The following SHLD2 variants were observed in gnomAD, a reference collection of about 807,000 sequenced individuals.
SHLD2 encodes the protein shieldin complex subunit 2, also known as RINN1-REV7-interacting novel NHEJ regulator 2.
SHLD2 carries 30 observed loss-of-function variants against 73.2 expected under a neutral mutation model. The ratio of observed to expected loss-of-function variants is 0.41; its 90% confidence interval spans 0.31 to 0.56. SHLD2 has a LOEUF of 0.56. Ranked by LOEUF, SHLD2 falls within the 20% of genes least tolerant of loss-of-function variation. The pLI is 0.28. For missense variants in SHLD2, 745 were observed against 1,055.9 expected (o/e 0.71, Z 4.08); for synonymous variants, 285 against 370.1 (o/e 0.77, Z 2.64).
intron 4 of SHLD2, among the ~76,000 whole-genome samples, chr10:87,164,115 G>A (rs1448298894): frequency 6.6e-6 from 1 of 151,634 alleles, no homozygotes; most frequent in Admixed American, 6.6e-5. Context: ...GTGCCACCAC[G>A]CCCAGATAAT....
chr10:87,151,827 T>C lies in SHLD2; in HGVS notation c.473T>C (p.Ile158Thr), dbSNP rs368795591. ...GAACAGCCTAAACATCAGCCAGATATATGTGGTAAGAACTTTAACACAAAT... is the reference window on the plus strand; with the variant it reads ...GAACAGCCTAAACATCAGCCAGATACATGTGGTAAGAACTTTAACACAAAT... Reference protein sequence around the residue: ...RDEQPKHQPDICGKNFNTNLF... With the variant: ...RDEQPKHQPDTCGKNFNTNLF... The change falls in exon 3 of 10, where the codon ATA becomes ACA. Residue 158 changes from isoleucine (I) to threonine (T), a missense_variant. Coordinates refer to ENST00000298786, the MANE Select transcript of SHLD2 (RefSeq NM_001330112.2). 2 of 1,611,840 alleles carry C rather than the reference T, an allele frequency of 1.2e-6. No individual in the cohort carries two copies. Among genetic ancestry groups the C allele is most frequent in the Non-Finnish European group, 1.7e-6 (2 of 1,179,834 alleles).
At chr10:87,141,249 C>T (rs1192589148) in intron 2 of SHLD2, among the ~76,000 whole-genome samples, 6 of 152,052 alleles carry the variant, frequency 3.9e-5, no homozygotes, top group Non-Finnish European at 7.4e-5. Context: ...CCACTGCACT[C>T]CAGCATGGGA....
rs1432768260 is a variant in SHLD2, at chr10:87,151,602, A to G, written c.248A>G (p.Asn83Ser). Residue 83 changes from asparagine to serine, a missense_variant, in exon 3 of 10, where the codon AAT (asparagine) becomes AGT (serine). Around this residue, in one of 5 missense-constraint regions of SHLD2, gnomAD observed 280 missense variants for 353.9 expected, o/e 0.79. Coordinates refer to ENST00000298786, the MANE Select transcript of SHLD2 (RefSeq NM_001330112.2). ...LSGHFLANCM[N>S]RHVHVKDDFV... ...GGTCATTTCTTAGCAAACTGTATGA[A>G]TAGACATGTTCATGTGAAAGATGAC... 4 of 1,611,810 alleles carry G rather than the reference A, an allele frequency of 2.5e-6. No individual in the cohort carries two copies. The highest frequency in any genetic ancestry group is 3.4e-6 in the Non-Finnish European group (4 of 1,179,688).
At chr10:87,094,673 C>T, upstream of SHLD2, 3 of 1,551,774 alleles carry the variant, frequency 1.9e-6, no homozygotes, top group Middle Eastern at 2.3e-4. The surrounding 1 kb of genome is among the most constrained non-coding windows in gnomAD (Gnocchi z 6.6). Flanking sequence ...TGTCCCCGGG[C>T]CCAGCCCAGC....
chr10:87,185,802 G>A (rs930160811), intron 8 of SHLD2, among the ~76,000 whole-genome samples: 1 of 152,140 alleles, frequency 6.6e-6, no homozygotes, highest in African/African-American at 2.4e-5. Flanking sequence ...AGTTGTCCCA[G>A]CGTGAATTTT....
intron 2 of SHLD2, among the ~76,000 whole-genome samples, chr10:87,121,692 T>C (rs1431064058): frequency 6.6e-6 from 1 of 152,042 alleles, no homozygotes; most frequent in Non-Finnish European, 1.5e-5. Context: ...GTTGGGCATA[T>C]TATTATGCAA....
At chr10:87,171,461 GT>G (rs1436674353) in intron 6 of SHLD2, among the ~76,000 whole-genome samples, 1 of 152,004 alleles carries the variant, frequency 6.6e-6, no homozygotes, top group Non-Finnish European at 1.5e-5. Context: ...TCCCTAGAAT[GT>G]TCAGTGTTAA....
chr10:87,174,384 T>C (rs1424369354), intron 6 of SHLD2, among the ~76,000 whole-genome samples: 1 of 150,080 alleles, frequency 6.7e-6, no homozygotes, highest in African/African-American at 2.5e-5. Flanking sequence ...GTTGAGATTA[T>C]GGCTGCTATA....
At chr10:87,094,643 G>A (rs771324144), upstream of SHLD2, 1 of 1,605,022 alleles carries the variant, frequency 6.2e-7, no homozygotes, top group Non-Finnish European at 8.5e-7. This position sits in a 1 kb window ranked among gnomAD's most constrained non-coding sequence, Gnocchi z 6.6. Context: ...GCCAGCCCCG[G>A]CTGCGGGGCG....
chr10:87,105,550 G>C (rs1312631581), intron 2 of SHLD2, among the ~76,000 whole-genome samples: 1 of 152,162 alleles, frequency 6.6e-6, no homozygotes, highest in Non-Finnish European at 1.5e-5. Flanking sequence ...AATAAAAATG[G>C]CTTAAAGGAA....
At chr10:87,189,109 C>T (rs1386456783) in intron 9 of SHLD2, among the ~76,000 whole-genome samples, 1 of 150,920 alleles carries the variant, frequency 6.6e-6, no homozygotes, top group Non-Finnish European at 1.5e-5. Context: ...TCAAGCAAGT[C>T]TCCTGCCTCA....
At chr10:87,147,949 C>T (rs1042447248) in intron 2 of SHLD2, among the ~76,000 whole-genome samples, 1 of 151,752 alleles carries the variant, frequency 6.6e-6, no homozygotes, top group African/African-American at 2.4e-5. Flanking sequence ...CTTCTGCCTC[C>T]TGGGTTCAAG....
intron 3 of SHLD2, among the ~76,000 whole-genome samples, chr10:87,155,367 C>G (rs1284463881): frequency 6.6e-6 from 1 of 151,282 alleles, no homozygotes; most frequent in Non-Finnish European, 1.5e-5. Context: ...TCACCTAACT[C>G]CCTCTGTTCT....
At chr10:87,166,950 A>AGTGT (rs10602407) in intron 4 of SHLD2, among the ~76,000 whole-genome samples, 14,436 of 126,178 alleles carry the variant, frequency 0.11, 761 homozygotes, top group African/African-American at 0.17. Flanking sequence ...CATTTTGGAA[A>AGTGT]GTGTGTGTGT....
chr10:87,160,995 A>T (rs2134426215), intron 4 of SHLD2, among the ~76,000 whole-genome samples: 1 of 152,186 alleles, frequency 6.6e-6, no homozygotes, highest in Admixed American at 6.5e-5. Flanking sequence ...TCCAAAAAAA[A>T]AAAAAGAAAG....
intron 2 of SHLD2, among the ~76,000 whole-genome samples, chr10:87,097,335 C>T (rs1025332968): frequency 2.6e-5 from 4 of 152,052 alleles, no homozygotes; most frequent in Admixed American, 6.5e-5. Flanking sequence ...CTAAAGTGGG[C>T]GGATCACTTG....
intron 2 of SHLD2, among the ~76,000 whole-genome samples, chr10:87,104,415 C>T (rs1360006731): frequency 4.0e-5 from 6 of 151,396 alleles, no homozygotes; most frequent in Non-Finnish European, 5.9e-5. Context: ...GGCATAATGG[C>T]GAGTGCCTGT....
chr10:87,098,020 C>T (rs187608039), intron 2 of SHLD2, among the ~76,000 whole-genome samples: 6 of 152,018 alleles, frequency 3.9e-5, no homozygotes, highest in Non-Finnish European at 5.9e-5. Flanking sequence ...CCTTGGCCAC[C>T]GAAAGTGCTG....
rs1564619352 is a variant in SHLD2, at chr10:87,190,559, C to T, written c.2591C>T (p.Pro864Leu). 1 of 1,611,934 alleles carries T rather than the reference C, an allele frequency of 6.2e-7. No individual in the cohort carries two copies. Among genetic ancestry groups the T allele is most frequent in the Non-Finnish European group, 8.5e-7 (1 of 1,179,818 alleles). ...FHSLLAVSAE[P>L]CVLKIQSLFV... ...TCCTTGTTGGCAGTCAGCGCAGAACCTTGTGTATTAAAGATTCAGAGCCTT... is the reference window on the plus strand; with the variant it reads ...TCCTTGTTGGCAGTCAGCGCAGAACTTTGTGTATTAAAGATTCAGAGCCTT... The change falls in exon 10 of 10, where the codon CCT (proline) becomes CTT (leucine). Residue 864 changes from proline to leucine, a missense_variant. Physicochemically the swap from Pro to Leu is moderately conservative, Grantham distance 98 (BLOSUM62 -3). Around this residue, in one of 5 missense-constraint regions of SHLD2, gnomAD observed 418 missense variants for 567.8 expected, o/e 0.74. Coordinates refer to ENST00000298786, the MANE Select transcript of SHLD2 (RefSeq NM_001330112.2).
Sources: gnomAD v4.1 joint callset for allele counts (sites outside exome capture counted in the v4.1 genomes callset) on GRCh38, gnomAD v4.1.1 for gene constraint, gnomAD v4.1.1 regional missense constraint, Gnocchi (gnomAD v3.1) non-coding constraint, MANE v1.5 for transcripts, NCBI Gene and HGNC (gene_info 2026-07-23, HGNC 2026-07-21) for gene names.